The following PIK3R1 variants were observed in gnomAD, a reference collection of about 807,000 sequenced individuals.
PIK3R1 encodes the protein phosphatidylinositol 3-kinase regulatory subunit alpha.
In PIK3R1, 29 loss-of-function variants were observed where a neutral mutation model predicts 98.0. The ratio of observed to expected loss-of-function variants is 0.30; its 90% CI spans 0.22 to 0.40. The LOEUF is 0.40. Ranked by LOEUF, PIK3R1 falls within the 10% of genes least tolerant of loss-of-function variation. The pLI is 1.00. For synonymous variants in PIK3R1, 282 were observed against 311.8 expected, an observed-to-expected ratio of 0.90 and a Z score of 1.01; for missense variants, 596 against 872.7, an observed-to-expected ratio of 0.68 and a Z score of 3.99.
chr5:68,249,559 A>G (rs1217822901), intron 2 of PIK3R1, among the ~76,000 whole-genome samples: 1 of 152,224 alleles, frequency 6.6e-6, no homozygotes, highest in African/African-American at 2.4e-5. Flanking sequence ...CATATTGGGC[A>G]TTGGACTTCT....
chr5:68,224,476 A>G (rs1005129992), intron 1 of PIK3R1, among the ~76,000 whole-genome samples: 2 of 152,180 alleles, frequency 1.3e-5, no homozygotes, highest in African/African-American at 4.8e-5. Flanking sequence ...TTTAATATGT[A>G]ACTCTCCTAA....
At chr5:68,260,433 A>C (rs1464711691) in intron 2 of PIK3R1, among the ~76,000 whole-genome samples, 5 of 152,158 alleles carry the variant, frequency 3.3e-5, no homozygotes, top group Non-Finnish European at 7.3e-5. Flanking sequence ...GCATGGGTTA[A>C]AAATTTCAAA....
At chr5:68,222,247 G>T (rs1744116884) in intron 1 of PIK3R1, among the ~76,000 whole-genome samples, 1 of 152,198 alleles carries the variant, frequency 6.6e-6, no homozygotes, top group South Asian at 2.1e-4. Flanking sequence ...CTCGGTAGGG[G>T]TGGTGGTTAC....
chr5:68,278,408 G>A (rs1230895771), intron 4 of PIK3R1, among the ~76,000 whole-genome samples: 1 of 152,124 alleles, frequency 6.6e-6, no homozygotes, highest in African/African-American at 2.4e-5. Flanking sequence ...CACTCTGTTG[G>A]TGACATTTAC....
chr5:68,267,665 C>T (rs1361909110), intron 2 of PIK3R1, among the ~76,000 whole-genome samples: 1 of 151,796 alleles, frequency 6.6e-6, no homozygotes, highest in African/African-American at 2.4e-5. Context: ...AAAAAAAGCT[C>T]TTGTTTCGGC....
chr5:68,294,612 A>G lies in PIK3R1; in HGVS notation c.1502A>G (p.Gln501Arg). Residue 501 changes from glutamine to arginine, a missense_variant, in exon 12 of 16, where the codon CAA (glutamine) becomes CGA (arginine). Transcript: ENST00000521381. ...IKIFEEQCQT[Q>R]ERYSKEYIEK... ...ATATTTGAAGAACAGTGCCAGACCC[A>G]AGAGCGGTACAGCAAAGAATACATA... The G allele has an allele frequency of 6.2e-7, 1 of 1,612,990 alleles. No individual in the cohort carries two copies. Among genetic ancestry groups the G allele is most frequent in the South Asian group, 1.1e-5 (1 of 90,928 alleles).
chr5:68,290,409 TAAAC>T (rs1282678375), intron 7 of PIK3R1, among the ~76,000 whole-genome samples: 3 of 152,308 alleles, frequency 2.0e-5, no homozygotes, highest in African/African-American at 7.2e-5. Flanking sequence ...CAAGGAGTAA[TAAAC>T]AAGGAATTAG....
intron 2 of PIK3R1, among the ~76,000 whole-genome samples, chr5:68,231,136 T>C (rs1744455385): frequency 1.3e-5 from 2 of 152,172 alleles, no homozygotes; most frequent in Non-Finnish European, 2.9e-5. Flanking sequence ...AGCCATCCAG[T>C]GGGGCTATTT....
At chr5:68,290,798 A>G in intron 7 of PIK3R1, 1 of 1,613,366 alleles carries the variant, frequency 6.2e-7, no homozygotes, top group African/African-American at 1.3e-5. Flanking sequence ...AAATTGTGGC[A>G]CAGACTTGAT....
In PIK3R1 at chr5:68,226,480, A is replaced by G. The variant is rs758229238; in HGVS notation, c.-196A>G. 1 of 545,584 alleles carries G rather than the reference A, an allele frequency of 1.8e-6. No homozygotes were observed. Among genetic ancestry groups the G allele is most frequent in the African/African-American group, 1.9e-5 (1 of 53,458 alleles). The allele number at this position is 545,584 out of a possible 1,614,324, so 33.8% of individuals were successfully genotyped here. On this transcript the variant is annotated 5_prime_UTR_variant, in exon 2 of 16. Coordinates refer to ENST00000521381, the MANE Select transcript of PIK3R1 (RefSeq NM_181523.3). ...GTGGAGCCCTGTCTTCGGTCACACC[A>G]TTGATGGAGGACAGATGGACAGCCG... is the stretch of plus-strand genomic sequence containing the variant.
In PIK3R1 at chr5:68,226,587, A is replaced by G; in HGVS notation, c.-89A>G. On this transcript the variant is annotated 5_prime_UTR_variant, in exon 2 of 16. Coordinates refer to ENST00000521381, the MANE Select transcript of PIK3R1 (RefSeq NM_181523.3). ...GGACACATAATAGGAATTCTAACAC[A>G]TTCTCTGAATTCACTTTTCATAAAA... 1 of 1,042,130 alleles carries G rather than the reference A, an allele frequency of 9.6e-7. No homozygotes were observed. Among genetic ancestry groups the G allele is most frequent in the South Asian group, 1.5e-5 (1 of 67,604 alleles). The allele number at this position is 1,042,130 out of a possible 1,614,324, so 64.6% of individuals were successfully genotyped here. A position where few individuals can be genotyped will look rare whatever the true frequency, so the allele number is the denominator to read the frequency against.
chr5:68,223,123 AATCATCATCATCATCATCATCATCATC>A (rs60144880), intron 1 of PIK3R1, among the ~76,000 whole-genome samples: 2 of 147,918 alleles, frequency 1.4e-5, no homozygotes, highest in Non-Finnish European at 3.0e-5. Flanking sequence ...GTACAAACTC[AATCATCATCATCATCATCATCATCATC>A]ATCATCATCA....
chr5:68,291,085 G>A (rs765622431), intron 7 of PIK3R1: 11 of 376,470 alleles, frequency 2.9e-5, no homozygotes, highest in African/African-American at 2.3e-4. Context: ...TTTTTCACTG[G>A]TGTCTTTTGT....
At chr5:68,269,884 T>TAA (rs56762397) in intron 2 of PIK3R1, among the ~76,000 whole-genome samples, 38 of 149,460 alleles carry the variant, frequency 2.5e-4, no homozygotes, top group South Asian at 1.1e-3. Flanking sequence ...AATTGCTATT[T>TAA]AAAAAAAAAA....
chr5:68,225,600 G>C (rs1744243583), intron 1 of PIK3R1, among the ~76,000 whole-genome samples: 1 of 152,122 alleles, frequency 6.6e-6, no homozygotes, highest in Non-Finnish European at 1.5e-5. Context: ...ACCCTGGTTT[G>C]TGTCCTCACT....
intron 2 of PIK3R1, among the ~76,000 whole-genome samples, chr5:68,262,755 GTATACATA>G (rs1745864670): frequency 7.2e-6 from 1 of 139,728 alleles, no homozygotes. Context: ...GTAGATACAT[GTATACATA>G]TATACATGTA....
chr5:68,280,847 A>G, intron 6 of PIK3R1, 80 bp from the exon 7 acceptor site: 1 of 1,243,328 alleles, frequency 8.0e-7, no homozygotes, highest in Non-Finnish European at 1.2e-6. Context: ...ATGCTATCAC[A>G]CACATTCACT....
intron 2 of PIK3R1, among the ~76,000 whole-genome samples, chr5:68,254,800 G>C (rs1181478753): frequency 6.6e-6 from 1 of 151,788 alleles, no homozygotes; most frequent in African/African-American, 2.4e-5. Context: ...TAATACAGGG[G>C]AGTAGATTGC....
At chr5:68,272,252 CAAA>C (rs36123886) in intron 2 of PIK3R1, among the ~76,000 whole-genome samples, 10 of 46,864 alleles carry the variant, frequency 2.1e-4, no homozygotes, top group Non-Finnish European at 2.3e-4. Flanking sequence ...GACCCTGTCT[CAAA>C]AAAAAAAAAA....
Sources: allele counts gnomAD v4.1 joint callset (sites outside exome capture counted in the v4.1 genomes callset), GRCh38; gene constraint gnomAD v4.1.1; transcripts MANE v1.5; gene names NCBI Gene and HGNC (gene_info 2026-07-23, HGNC 2026-07-21).